NCAPG: variants seen among roughly 807,000 people sequenced by gnomAD.
The protein encoded by NCAPG is non-SMC condensin I complex subunit G, also known as condensin complex subunit 3.
A neutral mutation model predicts 113.1 loss-of-function variants in NCAPG; 69 were observed. The observed-to-expected ratio is 0.61, with a 90% CI of 0.50 to 0.75. NCAPG has a LOEUF of 0.75. NCAPG is among the 30% of genes least tolerant of loss of function. The pLI is 0.00. For synonymous variants in NCAPG, 370 were observed against 415.8 expected (o/e 0.89, Z 1.34); for missense variants, 1,058 against 1,177.0 (o/e 0.90, Z 1.48).
chr4:17,826,215 A>G (rs1213680522), intron 11 of NCAPG, among the ~76,000 whole-genome samples: 4 of 152,156 alleles, frequency 2.6e-5, no homozygotes, highest in Non-Finnish European at 5.9e-5. Flanking sequence ...AAATATGTAA[A>G]CATAAGATAG....
intron 14 of NCAPG, among the ~76,000 whole-genome samples, chr4:17,836,645 G>A (rs1418172659): frequency 6.6e-6 from 1 of 152,096 alleles, no homozygotes; most frequent in Admixed American, 6.5e-5. Flanking sequence ...TTTTGCCTGT[G>A]TACATCCAGT....
chr4:17,827,881 C>T (rs1468244674), intron 11 of NCAPG, among the ~76,000 whole-genome samples: 1 of 150,408 alleles, frequency 6.6e-6, no homozygotes, highest in Non-Finnish European at 1.5e-5. Flanking sequence ...TCTCAGCTCA[C>T]TGCAACCTCC....
chr4:17,834,262 G>T, intron 13 of NCAPG, 37 bp from the exon 14 acceptor site: 2 of 1,363,084 alleles, frequency 1.5e-6, no homozygotes, highest in South Asian at 1.5e-5. Flanking sequence ...ACAGTTTACT[G>T]AATTTACTTT....
chr4:17,836,826 CTA>C (rs1722116129), intron 14 of NCAPG, among the ~76,000 whole-genome samples: 1 of 151,998 alleles, frequency 6.6e-6, no homozygotes, highest in Non-Finnish European at 1.5e-5. Flanking sequence ...CCAGGGTTTT[CTA>C]TGTCTTAGAA....
rs112866611 is a variant in NCAPG, at chr4:17,840,034, G to A, written c.2629-37G>A. 5.4e-4 allele frequency: 848 copies of A among 1,573,950 alleles called. 6 individuals are homozygous for A. The African/African-American group carries it at 8.9e-3, about 17-fold the overall frequency. On this transcript the variant is annotated intron_variant, in intron 17 of 20. Transcript: ENST00000251496. ...ACTATTTTCAAAGATTAGGGAATGC[G>A]GTGTTTACAAAATGTTAATAATGTT...
intron 5 of NCAPG, among the ~76,000 whole-genome samples, chr4:17,816,972 G>A (rs913157140): frequency 2.6e-5 from 4 of 152,062 alleles, no homozygotes; most frequent in African/African-American, 9.7e-5. Flanking sequence ...AATTAGCTGG[G>A]CGTGGTGGCG....
At chr4:17,823,513 T>G (rs1721540006) in intron 8 of NCAPG, 134 bp from the exon 9 acceptor site, 1 of 746,088 alleles carries the variant, frequency 1.3e-6, no homozygotes, top group Non-Finnish European at 2.1e-6. Context: ...CATACAGATT[T>G]TTGTACCTAT....
chr4:17,830,777 G>T (rs892453556), intron 12 of NCAPG, among the ~76,000 whole-genome samples: 5 of 152,146 alleles, frequency 3.3e-5, no homozygotes, highest in African/African-American at 1.2e-4. Context: ...ATCTTGTTCT[G>T]TGAGCATTGG....
chr4:17,825,936 CT>C, intron 11 of NCAPG, among the ~76,000 whole-genome samples: 1 of 152,052 alleles, frequency 6.6e-6, no homozygotes, highest in East Asian at 1.9e-4. Flanking sequence ...AATGACCTTT[CT>C]TTTTTATTGC....
intron 17 of NCAPG, 43 bp from the exon 18 acceptor site, chr4:17,840,028 G>C (rs199737634): frequency 5.7e-5 from 90 of 1,569,002 alleles, no homozygotes; most frequent in Admixed American, 3.7e-4. Context: ...AAAGATTAGG[G>C]AATGCGGTGT....
chr4:17,834,555 A>G (rs1397002377), intron 14 of NCAPG, 32 bp downstream of exon 14: 3 of 1,355,078 alleles, frequency 2.2e-6, no homozygotes, highest in South Asian at 1.6e-5. Context: ...TGATTATGAA[A>G]TGTCATTTTC....
chr4:17,812,549 A>G (rs767542861), intron 2 of NCAPG, 125 bp downstream of exon 2: 1 of 702,238 alleles, frequency 1.4e-6, no homozygotes, highest in Non-Finnish European at 2.4e-6. Flanking sequence ...GAATGAGTCT[A>G]CCTTTCATAG....
Position 17,829,858 on chromosome 4 carries a change from C to G in NCAPG, c.1765-1139C>G, listed in dbSNP as rs190048200. Among the ~76,000 whole-genome samples the G allele has an allele frequency of 6.7e-3, 1,021 of 152,150 alleles. 16 individuals carry two copies. Among genetic ancestry groups the G allele is most frequent in the African/African-American group, 0.024 (983 of 41,500 alleles). On this transcript the variant is annotated intron_variant, in intron 12 of 20. Transcript: ENST00000251496. ...TGATCTGGTCAAGTGAGAGGAGCAT[C>G]GATTAAGTAAAGAAATAAGTGAAAC...
intron 3 of NCAPG, 167 bp downstream of exon 3, chr4:17,813,312 A>G: frequency 2.0e-6 from 1 of 506,658 alleles, no homozygotes; most frequent in Non-Finnish European, 3.4e-6. Context: ...TTAAAAAAAA[A>G]AGTCAGTACT....
rs1469189639 is a variant in NCAPG at position 17,837,049 on chromosome 4, T to G, written c.2110-110T>G. On this transcript the variant is annotated intron_variant, in intron 14 of 20. Transcript: ENST00000251496. ...TTGCCTTTAAAGAATTTGTAATAACTCGAATGGTTTTTGGATGGTTCGTGT... is the reference window on the plus strand; with the variant it reads ...TTGCCTTTAAAGAATTTGTAATAACGCGAATGGTTTTTGGATGGTTCGTGT... The G allele has an allele frequency of 1.3e-5, 11 of 869,662 alleles. No homozygotes were observed. In the African/African-American group the frequency reaches 1.7e-4, roughly 14 times the overall value. 53.9% of individuals were successfully genotyped at this position (869,662 alleles called of 1,614,324 possible). A position where few individuals can be genotyped will look rare whatever the true frequency, so the allele number is the denominator to read the frequency against.
At chr4:17,823,318 C>A (rs1442792521) in intron 8 of NCAPG, among the ~76,000 whole-genome samples, 195 bp downstream of exon 8, 1 of 152,052 alleles carries the variant, frequency 6.6e-6, no homozygotes, top group Non-Finnish European at 1.5e-5. Context: ...CAGAATAAAT[C>A]AATGAAATTG....
chr4:17,834,195 A>G, intron 13 of NCAPG, 104 bp from the exon 14 acceptor site: 1 of 715,442 alleles, frequency 1.4e-6, no homozygotes, highest in Non-Finnish European at 2.2e-6. Flanking sequence ...CACTGTCATT[A>G]AAATTTGACT....
rs1026899151 is a variant in NCAPG at position 17,825,580 on chromosome 4, A to G, written c.1653+19A>G. The G allele has an allele frequency of 1.9e-6, 3 of 1,562,650 alleles. No individual in the cohort carries two copies. The highest frequency in any genetic ancestry group is 2.3e-5 in the East Asian group (1 of 44,016). ...AGAGAAGGTACAGGTAACTTTTTTC[A>G]TACTAAATCTCAGGTGTTATTAATC... On this transcript the variant is annotated intron_variant, in intron 11 of 20. Transcript: ENST00000251496.
At chr4:17,817,517 TTTCCTCCCCA>T in intron 6 of NCAPG, 64 bp downstream of exon 6, 1 of 1,343,492 alleles carries the variant, frequency 7.4e-7, no homozygotes, top group Non-Finnish European at 1.0e-6. Flanking sequence ...ATTTGTTTTT[TTTCCTCCCCA>T]TAGCTTAAGA....
Sources: allele counts gnomAD v4.1 joint callset (sites outside exome capture counted in the v4.1 genomes callset), GRCh38; gene constraint gnomAD v4.1.1; transcripts MANE v1.5; gene names NCBI Gene and HGNC (gene_info 2026-07-23, HGNC 2026-07-21).